The following WNK3 variants were observed in gnomAD, a reference collection of about 807,000 sequenced individuals.
WNK3 encodes the protein WNK lysine deficient protein kinase 3.
Under a neutral mutation model 116.7 loss-of-function variants are expected in WNK3, and 18 were observed. The ratio of observed to expected loss-of-function variants is 0.15; its 90% CI spans 0.11 to 0.23. WNK3 has a LOEUF of 0.23. Among genes scored for constraint, WNK3 ranks in the 10% least tolerant of loss-of-function variants. WNK3 has a pLI of 1.00. For missense variants in WNK3, 993 were observed against 1,323.8 expected, an observed-to-expected ratio of 0.75 and a Z score of 3.88; for synonymous variants, 404 against 469.4, an observed-to-expected ratio of 0.86 and a Z score of 1.80.
chrX:54,303,229 T>C (rs1461490096), intron 5 of WNK3, among the ~76,000 whole-genome samples: 17 of 110,441 alleles, frequency 1.5e-4, no homozygotes, highest in African/African-American at 5.6e-4. Flanking sequence ...TAAACAATAA[T>C]AAAATATTGA....
chrX:54,266,813 T>C (rs187518202), intron 10 of WNK3, among the ~76,000 whole-genome samples: 1 of 110,856 alleles, frequency 9.0e-6, no homozygotes. Context: ...CCATGGTGGT[T>C]TGCTGCACCT....
chrX:54,348,756 T>C (rs1030463853), intron 1 of WNK3, among the ~76,000 whole-genome samples: 20 of 111,179 alleles, frequency 1.8e-4, no homozygotes, highest in Admixed American at 3.9e-4. Flanking sequence ...ATCCTACACA[T>C]GAGGGCAAGT....
intron 2 of WNK3, among the ~76,000 whole-genome samples, chrX:54,323,630 T>C (rs957390941): frequency 2.7e-5 from 3 of 112,043 alleles, no homozygotes; most frequent in African/African-American, 6.5e-5. Flanking sequence ...AAAAGAAAAC[T>C]ATGTAATAAA....
At chrX:54,239,214 A>C (rs1292747014) in intron 17 of WNK3, 115 bp from the exon 18 acceptor site, 14 of 540,666 alleles carry the variant, frequency 2.6e-5, no homozygotes, top group African/African-American at 7.2e-5. Context: ...AAAAAAAAAA[A>C]AAAACGGAAT....
chrX:54,215,315 C>T (rs187904547), intron 22 of WNK3, among the ~76,000 whole-genome samples: 2,402 of 110,750 alleles, frequency 0.022, 30 homozygotes, highest in Non-Finnish European at 0.033. Context: ...CTCAGCCTGC[C>T]GAGTGCCTGG....
intron 17 of WNK3, 110 bp from the exon 18 acceptor site, chrX:54,239,209 A>G (rs1365350909): frequency 4.6e-4 from 255 of 554,105 alleles, no homozygotes; most frequent in Admixed American, 1.1e-3. Flanking sequence ...CTTTTAAAAA[A>G]AAAAAAAAAC....
At chrX:54,242,520 TG>T (rs1309027930) in intron 17 of WNK3, among the ~76,000 whole-genome samples, 18 of 112,568 alleles carry the variant, frequency 1.6e-4, no homozygotes, top group African/African-American at 5.8e-4. Context: ...GATTTCCAAA[TG>T]TACTATAAAA....
At chrX:54,233,487 G>GGGAA (rs781783142) in intron 20 of WNK3, among the ~76,000 whole-genome samples, 57 of 102,606 alleles carry the variant, frequency 5.6e-4, no homozygotes, top group Non-Finnish European at 8.5e-4. Context: ...GAGGGAGGGA[G>GGGAA]GGAAGGAAGG....
chrX:54,280,466 ATTTGT>A (rs1557162131), intron 10 of WNK3, among the ~76,000 whole-genome samples: 24 of 111,990 alleles, frequency 2.1e-4, no homozygotes, highest in Admixed American at 6.7e-4. Context: ...AATCAGTTGT[ATTTGT>A]ATGCCTTAGC....
intron 19 of WNK3, among the ~76,000 whole-genome samples, chrX:54,238,095 T>C (rs2067983502): frequency 9.1e-6 from 1 of 110,266 alleles, no homozygotes; most frequent in Non-Finnish European, 1.9e-5. Flanking sequence ...TAGCCGGGTG[T>C]GGTGGCGCGC....
intron 1 of WNK3, among the ~76,000 whole-genome samples, chrX:54,349,022 A>G: frequency 8.9e-6 from 1 of 112,410 alleles, no homozygotes; most frequent in East Asian, 2.8e-4. Flanking sequence ...CTCAGTAATC[A>G]TTACAAAATG....
At chrX:54,273,563 G>A (rs2068408497) in intron 10 of WNK3, among the ~76,000 whole-genome samples, 1 of 111,770 alleles carries the variant, frequency 8.9e-6, no homozygotes, top group Non-Finnish European at 1.9e-5. Flanking sequence ...ACAAAAACTA[G>A]AATAAAGTCA....
intron 1 of WNK3, among the ~76,000 whole-genome samples, chrX:54,354,407 G>C (rs2069563300): frequency 9.0e-6 from 1 of 111,567 alleles, no homozygotes; most frequent in Admixed American, 9.6e-5. Context: ...AAATAGAGCT[G>C]GTCTACTTAT....
intron 22 of WNK3, among the ~76,000 whole-genome samples, chrX:54,220,713 A>G (rs1557146340): frequency 8.9e-6 from 1 of 111,947 alleles, no homozygotes. Flanking sequence ...ATTAAGCAAA[A>G]TAATTTTTTT....
chrX:54,243,390 C>T (rs1428719816), intron 17 of WNK3, among the ~76,000 whole-genome samples: 9 of 91,551 alleles, frequency 9.8e-5, no homozygotes, highest in Non-Finnish European at 1.5e-4. Flanking sequence ...CACTACAGTC[C>T]GGCCTGGGCG....
At chrX:54,238,107 C>T (rs782456357) in intron 19 of WNK3, among the ~76,000 whole-genome samples, 89 of 110,455 alleles carry the variant, frequency 8.1e-4, no homozygotes, top group African/African-American at 2.6e-3. Flanking sequence ...GTGGCGCGCA[C>T]TTGTAATCCC....
intron 10 of WNK3, among the ~76,000 whole-genome samples, chrX:54,279,024 C>T (rs954647970): frequency 9.0e-6 from 1 of 110,727 alleles, no homozygotes; most frequent in Non-Finnish European, 1.9e-5. Context: ...GCCAAGATCG[C>T]GCCATCGCAT....
intron 13 of WNK3, among the ~76,000 whole-genome samples, chrX:54,252,037 C>T (rs1325059533): frequency 1.0e-5 from 1 of 99,184 alleles, no homozygotes; most frequent in East Asian, 3.1e-4. Flanking sequence ...TGCACTACAG[C>T]CTGGGCAACA....
intron 17 of WNK3, among the ~76,000 whole-genome samples, chrX:54,245,137 T>C (rs2068061545): frequency 1.0e-5 from 1 of 98,780 alleles, no homozygotes. Flanking sequence ...TTTATGTACA[T>C]ATATATGCGT....
Sources: allele counts gnomAD v4.1 joint callset (sites outside exome capture counted in the v4.1 genomes callset), GRCh38; gene constraint gnomAD v4.1.1; transcripts MANE v1.5; gene names NCBI Gene and HGNC (gene_info 2026-07-23, HGNC 2026-07-21).